ZAN: variants seen among roughly 807,000 people sequenced by gnomAD.
ZAN encodes the protein zonadhesin, also known as zonadhesin (gene/pseudogene).
A neutral mutation model predicts 286.2 loss-of-function variants in ZAN; 260 were observed. The ratio of observed to expected loss-of-function variants is 0.91; its 90% CI spans 0.82 to 1.01. The LOEUF is 1.01. Ranked by LOEUF, ZAN falls within the 50% of genes least tolerant of loss-of-function variation. ZAN has a pLI of 0.00. For missense variants in ZAN, 3,410 were observed against 3,639.2 expected, an observed-to-expected ratio of 0.94 and a Z score of 1.62; for synonymous variants, 1,368 against 1,417.5, an observed-to-expected ratio of 0.97 and a Z score of 0.79.
rs35803818 is a variant in ZAN, at chr7:100,767,467, G to GTT, written c.4860+235_4860+236dup. 1.5e-3 allele frequency among the ~76,000 whole-genome samples: 114 copies of GTT among 77,984 alleles called. 5 individuals carry two copies. Among genetic ancestry groups the GTT allele is most frequent in the Non-Finnish European group, 2.1e-3 (80 of 38,264 alleles). 51.2% of individuals were successfully genotyped at this position (77,984 alleles called of 152,430 possible). A position where few individuals can be genotyped will look rare whatever the true frequency, so the allele number is the denominator to read the frequency against. On this transcript the variant is annotated intron_variant, in intron 25 of 47. Transcript: ENST00000613979. ...CCCCTCCTGCTCCCAGTTTTTTGCC[G>GTT]TTTTTTTTTTTTTTTTTTTTTTTTT...
At chr7:100,745,507 G>C (rs1247189064) in intron 7 of ZAN, among the ~76,000 whole-genome samples, 1 of 151,744 alleles carries the variant, frequency 6.6e-6, no homozygotes, top group Non-Finnish European at 1.5e-5. Context: ...TTGGGTGAGA[G>C]GGGGTTTGCC....
chr7:100,769,848 G>A (rs1176045398), intron 27 of ZAN, 32 bp from the exon 28 acceptor site: 3 of 1,546,412 alleles, frequency 1.9e-6, no homozygotes, highest in African/African-American at 1.4e-5. Flanking sequence ...CACCCAACCT[G>A]TAGCCCTCAG....
At position 100,747,596 on chromosome 7, in the gene ZAN, C is replaced by T. The variant is rs147364349; in HGVS notation, c.978C>T (p.Asn326=). The change falls in exon 9 of 48, where the codon AAC becomes AAT. Residue 326 remains asparagine (N), a synonymous_variant. Transcript: ENST00000613979. ...HTLFSGQPGP[N]WQAVSVNYTA... ...TCTTCTCAGGACAACCTGGGCCCAA[C>T]TGGCAGGCTGTTTCTGTCAATTACA... The T allele has an allele frequency of 1.3e-3, 2,107 of 1,613,830 alleles. No homozygotes were observed. Among genetic ancestry groups the T allele is most frequent in the Non-Finnish European group, 1.7e-3 (1,959 of 1,179,842 alleles).
chr7:100,766,497 T>C (rs1471235861), intron 23 of ZAN, 28 bp from the exon 24 acceptor site: 6 of 1,538,274 alleles, frequency 3.9e-6, no homozygotes, highest in Middle Eastern at 1.7e-4. Flanking sequence ...AAAAACACTT[T>C]CTCTTCCTTC....
chr7:100,762,935 G>C (rs1054548371), intron 20 of ZAN, among the ~76,000 whole-genome samples: 2 of 150,606 alleles, frequency 1.3e-5, no homozygotes, highest in African/African-American at 2.4e-5. Flanking sequence ...GTTCTCACCA[G>C]ATGGGGGGTT....
chr7:100,735,586 T>A, intron 2 of ZAN, 134 bp from the exon 3 acceptor site: 2 of 646,508 alleles, frequency 3.1e-6, no homozygotes, highest in Non-Finnish European at 4.9e-6. Flanking sequence ...AGAAAAAAAG[T>A]CAAGTCAGAC....
Position 100,772,019 on chromosome 7 carries a change from C to T in ZAN, c.5424C>T (p.Cys1808=). Residue 1808 remains cysteine (C), a splice_region_variant and synonymous_variant, in exon 29 of 48, where the codon TGC becomes TGT. Coordinates refer to ENST00000613979, the MANE Select transcript of ZAN (RefSeq NM_003386.3). The part of the protein sequence containing the change: ...QAPAWRNRTF[C]PMRCPPGSSY... ...CTGCCTGGCGGAACAGAACCTTCTGCCGTGAGTGACTGGCCACCTGTTCCC... is the reference window on the plus strand; with the variant it reads ...CTGCCTGGCGGAACAGAACCTTCTGTCGTGAGTGACTGGCCACCTGTTCCC... 1.3e-6 allele frequency: 2 copies of T among 1,591,334 alleles called. No individual in the cohort carries two copies. Among genetic ancestry groups the T allele is most frequent in the African/African-American group, 1.3e-5 (1 of 74,796 alleles).
At chr7:100,794,549 C>T (rs981540071) in intron 44 of ZAN, among the ~76,000 whole-genome samples, 1 of 152,106 alleles carries the variant, frequency 6.6e-6, no homozygotes, top group Non-Finnish European at 1.5e-5. Flanking sequence ...TAAGCAGTTT[C>T]CTGCTGGGCG....
In ZAN at chr7:100,766,558, G is replaced by T; in HGVS notation, c.4504G>T (p.Glu1502Ter). 1.3e-6 allele frequency: 2 copies of T among 1,551,942 alleles called. No homozygotes were observed. The highest frequency in any genetic ancestry group is 8.7e-7 in the Non-Finnish European group (1 of 1,147,130). ...GERWYKPGCKELCVCESNNRI... is the reference protein window; with the variant it reads ...GERWYKPGCK ...GCGGTGGTACAAGCCAGGCTGCAAA[G>T]AGTTGTGCGTCTGTGAAAGCAACAA... The change falls in exon 24 of 48, where the codon GAG becomes TAG. Residue 1502 changes from glutamate to a stop codon, truncating the protein, a stop_gained. Coordinates refer to ENST00000613979, the MANE Select transcript of ZAN (RefSeq NM_003386.3). LOFTEE classifies it high-confidence loss of function.
chr7:100,738,398 A>C (rs1807458218), intron 6 of ZAN, 63 bp from the exon 7 acceptor site: 1 of 1,341,682 alleles, frequency 7.5e-7, no homozygotes, highest in Non-Finnish European at 1.0e-6. Context: ...AGCCTGGGTG[A>C]CAGAGACCCT....
At chr7:100,738,865 T>C (rs529038701) in intron 7 of ZAN, among the ~76,000 whole-genome samples, 3 of 22,424 alleles carry the variant, frequency 1.3e-4, no homozygotes, top group Non-Finnish European at 1.9e-4. Context: ...TTTCTCTTCC[T>C]CTTCTTCTTC....
In ZAN at chr7:100,763,896, C is replaced by T. The variant is rs368022739; in HGVS notation, c.4077C>T (p.Val1359=). 11 of 1,613,782 alleles carry T rather than the reference C, an allele frequency of 6.8e-6. No individual in the cohort carries two copies. The highest frequency in any genetic ancestry group is 1.1e-5 in the South Asian group (1 of 91,044). The change falls in exon 21 of 48, where the codon GTC becomes GTT. Residue 1359 remains valine (V), a synonymous_variant. Transcript: ENST00000613979. The surrounding 1 kb of genome is among the most constrained non-coding windows in gnomAD (Gnocchi z 4.6). ...GGCCAGGGTTCTGTGGACGGCTGGTCGACACTCATGGCCCATTTGAGTATG... is the reference window on the plus strand; with the variant it reads ...GGCCAGGGTTCTGTGGACGGCTGGTTGACACTCATGGCCCATTTGAGTATG... ...MSGPGFCGRL[V]DTHGPFETCL... is the part of the protein sequence containing the mutation.
intron 25 of ZAN, 92 bp downstream of exon 25, chr7:100,767,349 G>C (rs766598145): frequency 4.7e-5 from 71 of 1,526,618 alleles, no homozygotes; most frequent in Middle Eastern, 1.8e-4. Context: ...CCACCTCTCT[G>C]GCTCCTTAGA....
chr7:100,753,124 C>G lies in ZAN; in HGVS notation c.3019C>G (p.Pro1007Ala). Reference sequence around the variant, plus strand: ...AGCCCTGAGGCCACCCCATCCCAGCCCCACAGCCACTGGGCTGGCAGCCTT... The same window carrying G: ...AGCCCTGAGGCCACCCCATCCCAGCGCCACAGCCACTGGGCTGGCAGCCTT... ...LTALRPPHPS[P>A]TATGLAALVM... Residue 1007 changes from proline to alanine, a missense_variant, in exon 14 of 48, where the codon CCC becomes GCC. Pro to Ala is a conservative substitution (Grantham distance 27). Around this residue, in one of 7 missense-constraint regions of ZAN, gnomAD observed 1,042 missense variants for 1,058.0 expected, o/e 0.98. Coordinates refer to ENST00000613979, the MANE Select transcript of ZAN (RefSeq NM_003386.3). 6.2e-7 allele frequency: 1 copy of G among 1,613,978 alleles called. No homozygotes were observed. The highest frequency in any genetic ancestry group is 8.5e-7 in the Non-Finnish European group (1 of 1,179,884).
At chr7:100,751,052 G>A in intron 12 of ZAN, 130 bp from the exon 13 acceptor site, 1 of 1,366,898 alleles carries the variant, frequency 7.3e-7, no homozygotes, top group African/African-American at 1.5e-5. Context: ...GGCCGGGATG[G>A]GGCTGGACTG....
chr7:100,779,300 G>T lies in ZAN; in HGVS notation c.6318-146G>T, dbSNP rs914093470. Reference sequence around the variant, plus strand: ...AGACAGGAGAATCGCTTGAACATGGGAGGGAAGGCAGAGGTTGCAGTGAGC... The same window carrying T: ...AGACAGGAGAATCGCTTGAACATGGTAGGGAAGGCAGAGGTTGCAGTGAGC... On this transcript the variant is annotated intron_variant, in intron 34 of 47. Coordinates refer to ENST00000613979, the MANE Select transcript of ZAN (RefSeq NM_003386.3). The T allele has an allele frequency of 3.7e-6, 3 of 808,008 alleles. No individual in the cohort carries two copies. The East Asian group carries it at 8.1e-5, about 22-fold the overall frequency. 50.1% of individuals were successfully genotyped at this position (808,008 alleles called of 1,614,324 possible).
chr7:100,762,414 A>ACT lies in ZAN; in HGVS notation c.3986+61_3986+62dup, dbSNP rs763494811. On this transcript the variant is annotated intron_variant, in intron 20 of 47. Transcript: ENST00000613979. The stretch of plus-strand genomic sequence containing the variant: ...GGGAAGGTTCCGTCCCCTTCCTGGA[A>ACT]CTCTCTTTTTTTTTTTTTTTTTTTT... The ACT allele has an allele frequency of 3.7e-3, 4,916 of 1,341,114 alleles. 449 individuals carry two copies. The highest frequency in any genetic ancestry group is 5.3e-3 in the African/African-American group (325 of 61,362). 83.1% of individuals were successfully genotyped at this position (1,341,114 alleles called of 1,614,324 possible).
At position 100,786,053 on chromosome 7, in the gene ZAN, A is replaced by G. The variant is rs752039616; in HGVS notation, c.6891A>G (p.Gly2297=). The part of the protein sequence containing the change: ...GCTEKCVCTG[G]AIQCGDFRCP... Reference sequence around the variant, plus strand: ...CGGAGAAGTGTGTCTGCACGGGAGGAGCCATTCAGTGCGGGGACTTCCGAT... The same window carrying G: ...CGGAGAAGTGTGTCTGCACGGGAGGGGCCATTCAGTGCGGGGACTTCCGAT... Residue 2297 remains glycine, a synonymous_variant, in exon 37 of 48, where the codon GGA becomes GGG. Transcript: ENST00000613979. The G allele has an allele frequency of 1.9e-6, 3 of 1,613,968 alleles. No homozygotes were observed. The highest frequency in any genetic ancestry group is 4.5e-5 in the East Asian group (2 of 44,880).
At position 100,746,601 on chromosome 7, in the gene ZAN, G is replaced by GC; in HGVS notation, c.834dup (p.Val279ArgfsTer81). 1 of 1,613,970 alleles carries GC rather than the reference G, an allele frequency of 6.2e-7. No homozygotes were observed. Among genetic ancestry groups the GC allele is most frequent in the Non-Finnish European group, 8.5e-7 (1 of 1,179,892 alleles). On this transcript the variant is annotated frameshift_variant, in exon 8 of 48. Coordinates refer to ENST00000613979, the MANE Select transcript of ZAN (RefSeq NM_003386.3). LOFTEE classifies it high-confidence loss of function. Reference sequence around the variant, plus strand: ...CCTGGGCAGAAAGCTGTCCTCCTGAGCCCCGTGAGCCTGTCCTCTGGCTGT... The same window carrying GC: ...CCTGGGCAGAAAGCTGTCCTCCTGAGCCCCCGTGAGCCTGTCCTCTGGCTGT...
Sources: allele counts gnomAD v4.1 joint callset (sites outside exome capture counted in the v4.1 genomes callset), GRCh38; gene constraint gnomAD v4.1.1; regional missense constraint gnomAD v4.1.1; non-coding constraint Gnocchi (gnomAD v3.1); transcripts MANE v1.5; gene names NCBI Gene and HGNC (gene_info 2026-07-23, HGNC 2026-07-21).